Variants in RANBP2 observed in about 807,000 individuals in gnomAD.
The protein encoded by RANBP2 is RAN binding protein 2.
RANBP2 carries 57 observed loss-of-function variants against 303.6 expected under a neutral mutation model. The observed-to-expected ratio is 0.19, with a 90% CI of 0.15 to 0.23. The LOEUF (loss-of-function observed/expected upper bound fraction) is 0.23, where lower values mean the gene tolerates loss of function less well. RANBP2 is among the 10% of genes least tolerant of loss of function. The probability of loss-of-function intolerance (pLI) is 1.00; values close to 1 mark genes in which losing one functional copy is unlikely to be tolerated. For missense variants in RANBP2, 3,138 were observed against 3,780.8 expected (o/e 0.83, Z 4.46); for synonymous variants, 1,167 against 1,301.5 (o/e 0.90, Z 2.23).
the RANBP2 span, among the ~76,000 whole-genome samples, chr2:109,351,077 T>C: frequency 1.3e-5 from 2 of 152,228 alleles, no homozygotes; most frequent in Non-Finnish European, 2.9e-5. Flanking sequence ...GAATAATCAG[T>C]TTTTGTAAAG....
At chr2:109,141,345 G>C in the RANBP2 span, 1 of 152,534 alleles carries the variant, frequency 6.6e-6, no homozygotes. Context: ...TCTCGTCTCT[G>C]CCTGGGTCCC....
chr2:108,932,153 C>G, the RANBP2 span, among the ~76,000 whole-genome samples: 1 of 152,200 alleles, frequency 6.6e-6, no homozygotes, highest in African/African-American at 2.4e-5. Context: ...TCCCTTCCTC[C>G]TTTTCTTTCT....
the RANBP2 span, among the ~76,000 whole-genome samples, chr2:109,180,597 G>T: frequency 6.6e-6 from 1 of 152,110 alleles, no homozygotes; most frequent in African/African-American, 2.4e-5. Flanking sequence ...TGTTCTTGTG[G>T]TAGTAAATAA....
the RANBP2 span, among the ~76,000 whole-genome samples, chr2:109,083,371 A>G: frequency 3.3e-5 from 5 of 152,120 alleles, no homozygotes; most frequent in African/African-American, 9.7e-5. Flanking sequence ...TAAGTACCTC[A>G]TATTAATGAA....
the RANBP2 span, among the ~76,000 whole-genome samples, chr2:108,976,567 C>T: frequency 3.3e-5 from 5 of 152,198 alleles, no homozygotes; most frequent in African/African-American, 1.2e-4. Context: ...GGCACAGCAT[C>T]TACATGAATT....
the RANBP2 span, among the ~76,000 whole-genome samples, chr2:109,074,381 A>T: frequency 6.6e-6 from 1 of 150,494 alleles, no homozygotes. Context: ...AAAAAAAGGC[A>T]ATACTAAATC....
chr2:109,146,790 GC>G, the RANBP2 span, among the ~76,000 whole-genome samples: 97,404 of 116,254 alleles, frequency 0.84, 41,560 homozygotes, highest in Non-Finnish European at 0.9. Context: ...TTTCTTTAGT[GC>G]CCCCCCCATT....
chr2:109,085,791 G>T, the RANBP2 span, among the ~76,000 whole-genome samples: 19 of 151,778 alleles, frequency 1.3e-4, no homozygotes, highest in Admixed American at 1.2e-3. Context: ...TTTTAGTAGA[G>T]ACAGAGTTTC....
chr2:109,435,039 C>G, the RANBP2 span, among the ~76,000 whole-genome samples: 2 of 152,140 alleles, frequency 1.3e-5, no homozygotes, highest in Non-Finnish European at 2.9e-5. Flanking sequence ...CTCAAGCCCT[C>G]TTGGTCTGTG....
the RANBP2 span, among the ~76,000 whole-genome samples, chr2:109,512,506 A>T: frequency 1.3e-5 from 2 of 151,848 alleles, no homozygotes; most frequent in Non-Finnish European, 1.5e-5. Context: ...AGGGATTTTA[A>T]CATCACAAGT....
chr2:109,353,121 C>T, the RANBP2 span, among the ~76,000 whole-genome samples: 4 of 152,330 alleles, frequency 2.6e-5, no homozygotes, highest in East Asian at 1.9e-4. Context: ...CCACCTGTCC[C>T]GGAGTCATGG....
At chr2:109,477,640 G>T in the RANBP2 span, among the ~76,000 whole-genome samples, 1 of 137,860 alleles carries the variant, frequency 7.3e-6, no homozygotes, top group African/African-American at 2.6e-5. Context: ...GTGTGTGTGT[G>T]TGTTGGTGAG....
the RANBP2 span, among the ~76,000 whole-genome samples, chr2:108,792,288 A>T: frequency 6.6e-6 from 1 of 152,138 alleles, no homozygotes; most frequent in Admixed American, 6.5e-5. Context: ...TCTACACACA[A>T]CAACATTCAT....
At chr2:109,521,250 T>A in the RANBP2 span, among the ~76,000 whole-genome samples, 1 of 148,454 alleles carries the variant, frequency 6.7e-6, no homozygotes, top group Admixed American at 6.7e-5. Flanking sequence ...ATGTTGAAAA[T>A]GCTGAAGAGA....
downstream of RANBP2, among the ~76,000 whole-genome samples, chr2:108,787,335 C>T (rs1267569803): frequency 2.0e-5 from 3 of 152,182 alleles, no homozygotes; most frequent in African/African-American, 7.2e-5. Context: ...TAATATTTTG[C>T]CACATTGGCT....
At chr2:109,342,128 A>G in the RANBP2 span, among the ~76,000 whole-genome samples, 1 of 152,206 alleles carries the variant, frequency 6.6e-6, no homozygotes, top group Non-Finnish European at 1.5e-5. Context: ...CTCTGTGTCC[A>G]TCTATAACTC....
chr2:109,401,106 G>A, the RANBP2 span, among the ~76,000 whole-genome samples: 2 of 152,142 alleles, frequency 1.3e-5, no homozygotes, highest in Non-Finnish European at 2.9e-5. Flanking sequence ...GCTTATTCTT[G>A]CTCAAACATC....
the RANBP2 span, among the ~76,000 whole-genome samples, chr2:109,386,626 A>G: frequency 4.6e-5 from 7 of 151,914 alleles, no homozygotes; most frequent in Non-Finnish European, 8.8e-5. Flanking sequence ...GCTAATCCCT[A>G]CCACTTTCTG....
chr2:109,120,445 G>C, the RANBP2 span, among the ~76,000 whole-genome samples: 1 of 152,148 alleles, frequency 6.6e-6, no homozygotes, highest in African/African-American at 2.4e-5. Flanking sequence ...GGTAGAGACG[G>C]ACTTCCAGCC....
Sources: gnomAD v4.1 joint callset for allele counts (sites outside exome capture counted in the v4.1 genomes callset) on GRCh38, gnomAD v4.1.1 for gene constraint, MANE v1.5 for transcripts, NCBI Gene and HGNC (gene_info 2026-07-23, HGNC 2026-07-21) for gene names.